Variants in CUX2 observed in about 807,000 individuals in gnomAD.
The protein encoded by CUX2 is cut like homeobox 2, also known as homeobox protein cut-like 2.
In CUX2, 40 loss-of-function variants were observed where a neutral mutation model predicts 144.8. The ratio of observed to expected loss-of-function variants is 0.28; its 90% confidence interval spans 0.21 to 0.36. The LOEUF (loss-of-function observed/expected upper bound fraction) is 0.36. Ranked by LOEUF, CUX2 falls within the 10% of genes least tolerant of loss-of-function variation. The pLI, the probability that CUX2 is intolerant of heterozygous loss-of-function variation, is 1.00. For missense variants in CUX2, 1,615 were observed against 1,994.0 expected (o/e 0.81, Z 3.62); for synonymous variants, 827 against 875.6 (o/e 0.94, Z 0.98).
chr12:111,308,991 G>T (rs760816426), intron 14 of CUX2, among the ~76,000 whole-genome samples: 1 of 150,888 alleles, frequency 6.6e-6, no homozygotes, highest in African/African-American at 2.4e-5. Flanking sequence ...TGCAGCCTCC[G>T]CCTCCTGGGT....
chr12:111,345,759 CG>C (rs1011135199), intron 21 of CUX2, among the ~76,000 whole-genome samples: 8 of 147,050 alleles, frequency 5.4e-5, no homozygotes, highest in Non-Finnish European at 9.0e-5. Flanking sequence ...AAAAGTTTCA[CG>C]AAAAAGAAAA....
chr12:111,233,384 T>C (rs575670648), intron 3 of CUX2, among the ~76,000 whole-genome samples: 1 of 152,182 alleles, frequency 6.6e-6, no homozygotes, highest in Non-Finnish European at 1.5e-5. Flanking sequence ...TTTATTTCAT[T>C]CCTGAGGTTT....
chr12:111,250,971 A>G (rs954231435), intron 3 of CUX2, among the ~76,000 whole-genome samples: 6 of 152,120 alleles, frequency 3.9e-5, no homozygotes, highest in African/African-American at 1.4e-4. Flanking sequence ...AAGAATTGAT[A>G]CTGCAGCTTT....
At chr12:111,185,488 G>A (rs568050920) in intron 1 of CUX2, among the ~76,000 whole-genome samples, 2 of 152,304 alleles carry the variant, frequency 1.3e-5, no homozygotes, top group Admixed American at 6.5e-5. Context: ...TACTGAAACC[G>A]CTGAGCCAGC....
chr12:111,100,113 C>A (rs892697180), intron 1 of CUX2: 1 of 454,974 alleles, frequency 2.2e-6, no homozygotes, highest in Admixed American at 2.4e-5. Flanking sequence ...CAGGAGCTGC[C>A]CAGGGTGAGT....
Position 111,039,359 on chromosome 12 carries a change from CA to C in CUX2, c.63+5120del, listed in dbSNP as rs948139754. Among the ~76,000 whole-genome samples, 5 of 152,050 alleles carry C rather than the reference CA, an allele frequency of 3.3e-5. No homozygotes were observed. The highest frequency in any genetic ancestry group is 2.0e-4 in the Admixed American group (3 of 15,258). On this transcript the variant is annotated intron_variant, in intron 1 of 21. Transcript: ENST00000261726. The surrounding 1 kb of genome is among the most constrained non-coding windows in gnomAD (Gnocchi z 4.2). Reference sequence around the variant, plus strand: ...GGGTGTCAGGGATGGTAGAGGTTGGCAGGGGGGAAGGACCCCAAGAACTGTA... The same window carrying C: ...GGGTGTCAGGGATGGTAGAGGTTGGCGGGGGGAAGGACCCCAAGAACTGTA...
chr12:111,247,392 G>A (rs775189773), intron 3 of CUX2, among the ~76,000 whole-genome samples: 1 of 152,224 alleles, frequency 6.6e-6, no homozygotes. Flanking sequence ...TTGGGCAGCC[G>A]CCTTTCCAGA....
intron 3 of CUX2, among the ~76,000 whole-genome samples, chr12:111,231,073 A>C (rs1882442606): frequency 6.6e-6 from 1 of 152,210 alleles, no homozygotes; most frequent in African/African-American, 2.4e-5. Flanking sequence ...TACCGTCTTA[A>C]CCATTTTTAA....
At chr12:111,073,924 C>G (rs1871376383) in intron 1 of CUX2, among the ~76,000 whole-genome samples, 5 of 151,842 alleles carry the variant, frequency 3.3e-5, no homozygotes. Context: ...CCACTGCACT[C>G]CAGCCTGGGG....
At chr12:111,184,532 C>T (rs944401840) in intron 1 of CUX2, among the ~76,000 whole-genome samples, 4 of 138,356 alleles carry the variant, frequency 2.9e-5, no homozygotes, top group African/African-American at 1.1e-4. Context: ...ATGAAAATGG[C>T]ACACTGTCAG....
At position 111,334,721 on chromosome 12, in the gene CUX2, G is replaced by C; in HGVS notation, c.3196+11G>C. ...CAGACAACAATCTAGGTACGGAGCG[G>C]GTGGGAATCGGAGAGGCTGCCTCCC... On this transcript the variant is annotated intron_variant, in intron 19 of 21. Coordinates refer to ENST00000261726, the MANE Select transcript of CUX2 (RefSeq NM_015267.4). 1 of 1,580,696 alleles carries C rather than the reference G, an allele frequency of 6.3e-7. No individual in the cohort carries two copies. Among genetic ancestry groups the C allele is most frequent in the Middle Eastern group, 1.8e-4 (1 of 5,558 alleles).
intron 1 of CUX2, among the ~76,000 whole-genome samples, chr12:111,139,984 GGGATATAAATGAGGGTGGTTAGGA>G (rs1250171412): frequency 6.6e-6 from 1 of 152,278 alleles, no homozygotes; most frequent in African/African-American, 2.4e-5. Flanking sequence ...CTGTGAAATG[GGGATATAAATGAGGGTGGTTAGGA>G]GGATCAGTGA....
intron 12 of CUX2, 58 bp from the exon 13 acceptor site, chr12:111,308,227 A>G (rs566155947): frequency 6.2e-7 from 1 of 1,600,032 alleles, no homozygotes; most frequent in South Asian, 1.1e-5. Context: ...CTCTTGAAAG[A>G]CCTCTCCTCC....
chr12:111,119,699 C>T (rs73413564), intron 1 of CUX2, among the ~76,000 whole-genome samples: 2,301 of 152,206 alleles, frequency 0.015, 52 homozygotes, highest in African/African-American at 0.051. Flanking sequence ...CTTTGGGTCT[C>T]ATGTAACAAC....
At chr12:111,070,952 T>A (rs1871234025) in intron 1 of CUX2, among the ~76,000 whole-genome samples, 1 of 152,226 alleles carries the variant, frequency 6.6e-6, no homozygotes, top group Non-Finnish European at 1.5e-5. Flanking sequence ...TCATCTTTTT[T>A]TAGTGCCAAA....
intron 3 of CUX2, among the ~76,000 whole-genome samples, chr12:111,236,462 G>T (rs573736465): frequency 3.3e-5 from 5 of 152,346 alleles, no homozygotes; most frequent in East Asian, 3.9e-4. Flanking sequence ...GACCAGGCAG[G>T]TAGGAGATGG....
chr12:111,350,311 T>C lies in CUX2; in HGVS notation c.*1986T>C, dbSNP rs1299202120. The C allele has an allele frequency of 6.6e-6, 1 of 152,454 alleles. No individual in the cohort carries two copies. The highest frequency in any genetic ancestry group is 1.5e-5 in the Non-Finnish European group (1 of 68,032). 9.4% of individuals were successfully genotyped at this position (152,454 alleles called of 1,614,324 possible). On this transcript the variant is annotated 3_prime_UTR_variant, in exon 22 of 22. Transcript: ENST00000261726. ...GACTCCGATTCCTAGAGAACTAAAT[T>C]TGGCTTTAGTGTGACGGGATTTGAT...
At chr12:111,164,321 A>G (rs1175946495) in intron 1 of CUX2, among the ~76,000 whole-genome samples, 1 of 152,122 alleles carries the variant, frequency 6.6e-6, no homozygotes, top group Non-Finnish European at 1.5e-5. Flanking sequence ...CATGCCTGTA[A>G]TCCCAGCACT....
At chr12:111,049,222 C>G (rs867961242) in intron 1 of CUX2, among the ~76,000 whole-genome samples, 13 of 152,200 alleles carry the variant, frequency 8.5e-5, no homozygotes, top group Middle Eastern at 3.4e-3. Context: ...CGAATTCATC[C>G]ATCCATCCAT....
Sources: gnomAD v4.1 joint callset for allele counts (sites outside exome capture counted in the v4.1 genomes callset) on GRCh38, gnomAD v4.1.1 for gene constraint, Gnocchi (gnomAD v3.1) non-coding constraint, MANE v1.5 for transcripts, NCBI Gene and HGNC (gene_info 2026-07-23, HGNC 2026-07-21) for gene names.